Variants in EIF4EBP2 observed in about 807,000 individuals in gnomAD.
EIF4EBP2 encodes eukaryotic translation initiation factor 4E-binding protein 2.
EIF4EBP2 carries 5 observed loss-of-function variants against 10.3 expected under a neutral mutation model. The observed-to-expected ratio is 0.48, with a 90% confidence interval of 0.25 to 1.02. The LOEUF (loss-of-function observed/expected upper bound fraction) is 1.02, where lower values mean the gene tolerates loss of function less well. EIF4EBP2 is among the 50% of genes least tolerant of loss of function. The pLI is 0.15. For missense variants in EIF4EBP2, 188 were observed against 162.2 expected (o/e 1.16, Z -0.86); for synonymous variants, 67 against 61.1 (o/e 1.10, Z -0.45).
rs1486815340 is a variant in EIF4EBP2 at position 70,422,537 on chromosome 10, T to G, written c.*790T>G. The G allele has an allele frequency of 6.6e-6, 1 of 152,228 alleles. No homozygotes were observed. The highest frequency in any genetic ancestry group is 1.9e-4 in the East Asian group (1 of 5,194). 9.4% of individuals were successfully genotyped at this position (152,228 alleles called of 1,614,324 possible). A position where few individuals can be genotyped will look rare whatever the true frequency, so the allele number is the denominator to read the frequency against. On this transcript the variant is annotated 3_prime_UTR_variant, in exon 3 of 3. Transcript: ENST00000373218. ...AGTTTTGCTCTTCTTCTGCCACTCCTCCCTGCTTGCATCTCGTTGCTGGCA... is the reference window on the plus strand; with the variant it reads ...AGTTTTGCTCTTCTTCTGCCACTCCGCCCTGCTTGCATCTCGTTGCTGGCA...
chr10:70,404,892 A>G (rs1392921240), intron 1 of EIF4EBP2, among the ~76,000 whole-genome samples: 2 of 152,162 alleles, frequency 1.3e-5, no homozygotes, highest in Non-Finnish European at 2.9e-5. Flanking sequence ...TACAGTCTGC[A>G]TTGCCTGTCG....
intron 1 of EIF4EBP2, among the ~76,000 whole-genome samples, chr10:70,412,155 C>G (rs573685910): frequency 2.0e-5 from 3 of 152,154 alleles, no homozygotes; most frequent in Non-Finnish European, 2.9e-5. Flanking sequence ...CTGATGGCTT[C>G]TGAGATTTTC....
intron 1 of EIF4EBP2, among the ~76,000 whole-genome samples, chr10:70,418,931 T>C (rs1311886276): frequency 6.6e-6 from 1 of 152,198 alleles, no homozygotes; most frequent in African/African-American, 2.4e-5. Context: ...TTCTCCTGGC[T>C]CAACCCCCGA....
At chr10:70,412,906 T>G (rs1485326988) in intron 1 of EIF4EBP2, among the ~76,000 whole-genome samples, 1 of 152,164 alleles carries the variant, frequency 6.6e-6, no homozygotes, top group Admixed American at 6.5e-5. Flanking sequence ...AAGAAAAATA[T>G]GTACATTTTG....
Position 70,404,812 on chromosome 10 carries a change from C to A in EIF4EBP2, c.145+266C>A, listed in dbSNP as rs577423218. 9.2e-5 allele frequency among the ~76,000 whole-genome samples: 14 copies of A among 152,366 alleles called. No homozygotes were observed. In the South Asian group the frequency reaches 2.5e-3, roughly 27 times the overall value. Reference sequence around the variant, plus strand: ...GTTTCCGCTTCGTGGCAGGCTTACGCATTCGACCCAGTTCTCTCTCTCCTC... The same window carrying A: ...GTTTCCGCTTCGTGGCAGGCTTACGAATTCGACCCAGTTCTCTCTCTCCTC... On this transcript the variant is annotated intron_variant, in intron 1 of 2. Coordinates refer to ENST00000373218, the MANE Select transcript of EIF4EBP2 (RefSeq NM_004096.5).
rs1844944569 is a variant in EIF4EBP2, at chr10:70,404,292, C to T, written c.-110C>T. ...GGACGAGGGAACGGGAGGAAGCGAG[C>T]GAGGAGCGCGCAGAGCGCGCTTTTC... On this transcript the variant is annotated 5_prime_UTR_variant, in exon 1 of 3. Coordinates refer to ENST00000373218, the MANE Select transcript of EIF4EBP2 (RefSeq NM_004096.5). 1 of 1,346,404 alleles carries T rather than the reference C, an allele frequency of 7.4e-7. No homozygotes were observed. Among genetic ancestry groups the T allele is most frequent in the Non-Finnish European group, 9.6e-7 (1 of 1,036,978 alleles). 83.4% of individuals were successfully genotyped at this position (1,346,404 alleles called of 1,614,324 possible).
chr10:70,425,954 T>G lies in EIF4EBP2; in HGVS notation c.*4207T>G, dbSNP rs189450242. On this transcript the variant is annotated 3_prime_UTR_variant, in exon 3 of 3. Transcript: ENST00000373218. ...CCAGTCTCAACAGACTCAGGTCAGG[T>G]CTCTCACCCAGGAAGCAACCACTCA... is the stretch of plus-strand genomic sequence containing the variant. The G allele has an allele frequency of 1.3e-5, 2 of 152,316 alleles. No homozygotes were observed. The highest frequency in any genetic ancestry group is 3.9e-4 in the East Asian group (2 of 5,184). 9.4% of individuals were successfully genotyped at this position (152,316 alleles called of 1,614,324 possible).
rs200635454 is a variant in EIF4EBP2 at position 70,415,160 on chromosome 10, A to G, written c.146-4754A>G. On this transcript the variant is annotated intron_variant, in intron 1 of 2. Transcript: ENST00000373218. ...ACGACAGAGCAAGACCCTCTCTCGA[A>G]AAAAAAAAAAAAGAAAAGAAAAAGA... is the stretch of plus-strand genomic sequence containing the variant. 2.3e-3 allele frequency among the ~76,000 whole-genome samples: 328 copies of G among 140,370 alleles called. 8 individuals are homozygous for G. In the East Asian group the frequency reaches 0.048, roughly 20 times the overall value. 92.1% of individuals were successfully genotyped at this position (140,370 alleles called of 152,430 possible).
rs14761 is a variant in EIF4EBP2 at position 70,423,219 on chromosome 10, G to A, written c.*1472G>A. On this transcript the variant is annotated 3_prime_UTR_variant, in exon 3 of 3. Coordinates refer to ENST00000373218, the MANE Select transcript of EIF4EBP2 (RefSeq NM_004096.5). ...GTTAGGAAGTTGAGAAACGTTCATA[G>A]GCAAGTCTGCTGTTCTATGTCACCA... The A allele has an allele frequency of 0.047, 7,168 of 152,694 alleles. 252 individuals are homozygous for A. Among genetic ancestry groups the A allele is most frequent in the Non-Finnish European group, 0.071 (4,859 of 68,010 alleles). The allele number at this position is 152,694 out of a possible 1,614,324, so 9.5% of individuals were successfully genotyped here.
intron 1 of EIF4EBP2, among the ~76,000 whole-genome samples, chr10:70,410,317 A>G (rs1331742812): frequency 6.6e-6 from 1 of 152,108 alleles, no homozygotes; most frequent in East Asian, 1.9e-4. Context: ...TGATCCGCCC[A>G]CCTCGGCCTC....
At chr10:70,413,111 A>G (rs1004571358) in intron 1 of EIF4EBP2, among the ~76,000 whole-genome samples, 4 of 152,180 alleles carry the variant, frequency 2.6e-5, no homozygotes, top group Non-Finnish European at 2.9e-5. Context: ...GGAATCTAAG[A>G]TACTTTTATT....
chr10:70,420,697 C>T (rs1845147386), intron 2 of EIF4EBP2, among the ~76,000 whole-genome samples: 1 of 152,220 alleles, frequency 6.6e-6, no homozygotes, highest in South Asian at 2.1e-4. Context: ...GACTTCCTGG[C>T]CTAGGCTTCA....
intron 1 of EIF4EBP2, among the ~76,000 whole-genome samples, chr10:70,418,957 G>A (rs778720398): frequency 3.9e-5 from 6 of 152,132 alleles, no homozygotes; most frequent in Non-Finnish European, 8.8e-5. Context: ...AGGGACTTCA[G>A]ACCAACAGCA....
intron 1 of EIF4EBP2, among the ~76,000 whole-genome samples, chr10:70,407,018 C>T (rs1844971733): frequency 6.6e-6 from 1 of 152,206 alleles, no homozygotes; most frequent in Non-Finnish European, 1.5e-5. Context: ...CTGCCTCAGC[C>T]TCCCGAGTAG....
At chr10:70,419,820 A>G in intron 1 of EIF4EBP2, 94 bp from the exon 2 acceptor site, 1 of 935,672 alleles carries the variant, frequency 1.1e-6, no homozygotes, top group Non-Finnish European at 1.6e-6. Context: ...CTTAAAAGTT[A>G]GGATTACATG....
At chr10:70,417,197 C>T (rs572053443) in intron 1 of EIF4EBP2, among the ~76,000 whole-genome samples, 1 of 152,094 alleles carries the variant, frequency 6.6e-6, no homozygotes, top group Non-Finnish European at 1.5e-5. Flanking sequence ...AATGCTACAA[C>T]ATAAATGAAC....
At chr10:70,412,287 C>T (rs1845053974) in intron 1 of EIF4EBP2, among the ~76,000 whole-genome samples, 1 of 148,524 alleles carries the variant, frequency 6.7e-6, no homozygotes, top group Admixed American at 7.0e-5. Context: ...GGCTTGTGGG[C>T]AAGTTACTTA....
rs1250160740 is a variant in EIF4EBP2, at chr10:70,423,851, AT to A, written c.*2109del. On this transcript the variant is annotated 3_prime_UTR_variant, in exon 3 of 3. Coordinates refer to ENST00000373218, the MANE Select transcript of EIF4EBP2 (RefSeq NM_004096.5). The stretch of plus-strand genomic sequence containing the variant: ...AAAAAAATTGATAATCAGAAAAGTA[AT>A]TTTTGTTTGTTTGTTTAATGTATCC... 4 of 152,598 alleles carry A rather than the reference AT, an allele frequency of 2.6e-5. No homozygotes were observed. Among genetic ancestry groups the A allele is most frequent in the Non-Finnish European group, 5.9e-5 (4 of 68,034 alleles). The allele number at this position is 152,598 out of a possible 1,614,324, so 9.5% of individuals were successfully genotyped here. A position where few individuals can be genotyped will look rare whatever the true frequency, so the allele number is the denominator to read the frequency against.
chr10:70,418,497 A>G (rs1052230057), intron 1 of EIF4EBP2, among the ~76,000 whole-genome samples: 2 of 152,226 alleles, frequency 1.3e-5, no homozygotes, highest in Middle Eastern at 3.2e-3. Flanking sequence ...TCAGCTGTAC[A>G]GAGCACCAAC....
Sources: gnomAD v4.1 joint callset for allele counts (sites outside exome capture counted in the v4.1 genomes callset) on GRCh38, gnomAD v4.1.1 for gene constraint, MANE v1.5 for transcripts, NCBI Gene and HGNC (gene_info 2026-07-23, HGNC 2026-07-21) for gene names.